OSBPL10: variants seen among roughly 807,000 people sequenced by gnomAD.
OSBPL10 encodes the protein oxysterol binding protein like 10.
A neutral mutation model predicts 81.7 loss-of-function variants in OSBPL10; 49 were observed. The ratio of observed to expected loss-of-function variants is 0.60; its 90% CI spans 0.48 to 0.76. OSBPL10 has a LOEUF of 0.76. Ranked by LOEUF, OSBPL10 falls within the 30% of genes least tolerant of loss-of-function variation. The pLI, the probability that OSBPL10 is intolerant of heterozygous loss-of-function variation, is 0.00. For missense variants in OSBPL10, 923 were observed against 987.8 expected (o/e 0.93, Z 0.88); for synonymous variants, 419 against 383.6 (o/e 1.09, Z -1.08).
At chr3:31,800,458 C>T (rs1699350981) in intron 4 of OSBPL10, among the ~76,000 whole-genome samples, 1 of 152,250 alleles carries the variant, frequency 6.6e-6, no homozygotes, top group Admixed American at 6.5e-5. Flanking sequence ...GGCCATCAAA[C>T]ATGGCAGGCG....
intron 4 of OSBPL10, 99 bp from the exon 5 acceptor site, chr3:31,748,219 A>T: frequency 9.6e-7 from 1 of 1,039,122 alleles, no homozygotes. Context: ...AAACTAGGTG[A>T]GGGTCAACTC....
chr3:31,848,905 G>A (rs1438466006), intron 3 of OSBPL10, among the ~76,000 whole-genome samples: 2 of 152,204 alleles, frequency 1.3e-5, no homozygotes, highest in African/African-American at 4.8e-5. Flanking sequence ...ACTGACAGTG[G>A]CCTAAACTTC....
chr3:31,950,929 T>C (rs555371441), intron 1 of OSBPL10, among the ~76,000 whole-genome samples: 1 of 152,348 alleles, frequency 6.6e-6, no homozygotes, highest in South Asian at 2.1e-4. Flanking sequence ...GCCATGCCTG[T>C]ACAGTCTTCA....
At chr3:31,809,299 C>T (rs978533235) in intron 4 of OSBPL10, among the ~76,000 whole-genome samples, 7 of 152,130 alleles carry the variant, frequency 4.6e-5, no homozygotes, top group East Asian at 1.9e-4. Context: ...ATTTACAAGT[C>T]GCCCAATCAA....
chr3:32,068,409 C>A (rs1575095783), intron 1 of OSBPL10, among the ~76,000 whole-genome samples: 1 of 152,200 alleles, frequency 6.6e-6, no homozygotes, highest in African/African-American at 2.4e-5. Context: ...CAGGGCTGCT[C>A]CCCACCCCCC....
intron 4 of OSBPL10, among the ~76,000 whole-genome samples, chr3:31,829,716 C>T (rs1017424375): frequency 5.3e-5 from 8 of 152,110 alleles, no homozygotes; most frequent in African/African-American, 1.9e-4. Flanking sequence ...AAGTTATTTT[C>T]TTATTATCCA....
chr3:31,702,357 A>G lies in OSBPL10; in HGVS notation c.1245+2T>C. On this transcript the variant is annotated splice_donor_variant, in intron 7 of 11. Coordinates refer to ENST00000396556, the MANE Select transcript of OSBPL10 (RefSeq NM_017784.5). LOFTEE classifies it high-confidence loss of function. Reference sequence around the variant, plus strand: ...ACAAATCCAGGGGACATGCCAACCTACCTTGGTCAAATCCATTCCAAGTTT... The same window carrying G: ...ACAAATCCAGGGGACATGCCAACCTGCCTTGGTCAAATCCATTCCAAGTTT... The G allele has an allele frequency of 6.2e-7, 1 of 1,614,082 alleles. No individual in the cohort carries two copies. Among genetic ancestry groups the G allele is most frequent in the Non-Finnish European group, 8.5e-7 (1 of 1,179,938 alleles).
At chr3:31,744,277 A>T (rs1368792601) in intron 5 of OSBPL10, among the ~76,000 whole-genome samples, 1 of 152,164 alleles carries the variant, frequency 6.6e-6, no homozygotes, top group African/African-American at 2.4e-5. Context: ...GCGGTGGCTC[A>T]CGCCTATAAT....
At chr3:31,668,864 G>T (rs778623470) in intron 9 of OSBPL10, 40 bp from the exon 10 acceptor site, 17 of 1,462,516 alleles carry the variant, frequency 1.2e-5, no homozygotes, top group Non-Finnish European at 1.4e-5. Context: ...TTTTCAAAAT[G>T]ATAAAAACAG....
At chr3:31,883,639 C>A (rs1695654119) in intron 1 of OSBPL10, among the ~76,000 whole-genome samples, 1 of 150,002 alleles carries the variant, frequency 6.7e-6, no homozygotes. Flanking sequence ...TCAAGTGATT[C>A]TCCTGCCTCA....
At chr3:31,774,880 T>G (rs547452487) in intron 4 of OSBPL10, among the ~76,000 whole-genome samples, 5 of 150,768 alleles carry the variant, frequency 3.3e-5, no homozygotes, top group African/African-American at 1.2e-4. Context: ...AGAATGGAGA[T>G]TGAGAGCTGA....
At chr3:31,895,963 A>C (rs1005924410) in intron 1 of OSBPL10, among the ~76,000 whole-genome samples, 10 of 152,204 alleles carry the variant, frequency 6.6e-5, no homozygotes, top group African/African-American at 2.4e-4. Flanking sequence ...TGCTGAGAAT[A>C]GTTCAACACT....
chr3:31,697,565 A>T (rs1487502206), intron 7 of OSBPL10, among the ~76,000 whole-genome samples: 3 of 152,226 alleles, frequency 2.0e-5, no homozygotes, highest in Admixed American at 6.5e-5. Flanking sequence ...ACAAAAAATA[A>T]AAAACAATAA....
rs544093368 is a variant in OSBPL10, at chr3:31,879,091, CTTT to C, written c.457+561_457+563del. ...GGGATGCTGGGCAGGTATCCATTTT[CTTT>C]TTTTTCTTTATTAAAGCAAAGATAT... On this transcript the variant is annotated intron_variant, in intron 2 of 11. Transcript: ENST00000396556. 8.9e-3 allele frequency among the ~76,000 whole-genome samples: 1,350 copies of C among 152,038 alleles called. 16 individuals carry two copies. Among genetic ancestry groups the C allele is most frequent in the African/African-American group, 0.031 (1,267 of 41,484 alleles).
chr3:31,664,249 G>A lies in OSBPL10; in HGVS notation c.2097-17C>T. ...CAGAGGTTCCTGGGGATGCGTGGAGGAGAGGAAACAATCAGCCAGGCCAGC... is the reference window on the plus strand; with the variant it reads ...CAGAGGTTCCTGGGGATGCGTGGAGAAGAGGAAACAATCAGCCAGGCCAGC... On this transcript the variant is annotated splice_polypyrimidine_tract_variant and intron_variant, in intron 10 of 11. Coordinates refer to ENST00000396556, the MANE Select transcript of OSBPL10 (RefSeq NM_017784.5). The A allele has an allele frequency of 1.2e-6, 2 of 1,610,908 alleles. No homozygotes were observed. Among genetic ancestry groups the A allele is most frequent in the East Asian group, 2.2e-5 (1 of 44,842 alleles).
At chr3:31,731,624 G>A (rs1327736569) in intron 6 of OSBPL10, among the ~76,000 whole-genome samples, 1 of 152,052 alleles carries the variant, frequency 6.6e-6, no homozygotes, top group Admixed American at 6.5e-5. Flanking sequence ...AAGTAGCTGG[G>A]ATTACAGGCG....
At chr3:31,671,040 G>T in intron 8 of OSBPL10, 57 bp from the exon 9 acceptor site, 3 of 1,463,066 alleles carry the variant, frequency 2.1e-6, no homozygotes, top group African/African-American at 1.4e-5. Context: ...GGGCACTGGG[G>T]ATCAGAAGAA....
At chr3:31,911,601 G>C (rs1696579732) in intron 1 of OSBPL10, among the ~76,000 whole-genome samples, 1 of 150,926 alleles carries the variant, frequency 6.6e-6, no homozygotes, top group Non-Finnish European at 1.5e-5. Context: ...ACTAACAATA[G>C]CTGATGGACT....
At chr3:31,940,364 A>C (rs936347115) in intron 1 of OSBPL10, among the ~76,000 whole-genome samples, 1 of 152,250 alleles carries the variant, frequency 6.6e-6, no homozygotes, top group Non-Finnish European at 1.5e-5. Flanking sequence ...AAATCTGAGA[A>C]AGACATAACT....
Sources: allele counts gnomAD v4.1 joint callset (sites outside exome capture counted in the v4.1 genomes callset), GRCh38; gene constraint gnomAD v4.1.1; transcripts MANE v1.5; gene names NCBI Gene and HGNC (gene_info 2026-07-23, HGNC 2026-07-21).